The following BAZ2B variants were observed in gnomAD, a reference collection of about 807,000 sequenced individuals.
BAZ2B encodes bromodomain adjacent to zinc finger domain 2B.
BAZ2B carries 91 observed loss-of-function variants against 246.0 expected under a neutral mutation model. The observed-to-expected ratio is 0.37, with a 90% CI of 0.31 to 0.44. The LOEUF is 0.44. Ranked by LOEUF, BAZ2B falls within the 20% of genes least tolerant of loss-of-function variation. The pLI is 1.00. For synonymous variants in BAZ2B, 855 were observed against 860.0 expected (o/e 0.99, Z 0.10); for missense variants, 2,332 against 2,533.7 (o/e 0.92, Z 1.71).
chr2:159,515,260 C>A (rs1270357057), intron 2 of BAZ2B, among the ~76,000 whole-genome samples: 1 of 151,984 alleles, frequency 6.6e-6, no homozygotes, highest in Admixed American at 6.6e-5. Flanking sequence ...AACAATTTTA[C>A]TTCCAGAAAT....
the BAZ2B span, among the ~76,000 whole-genome samples, chr2:159,663,025 T>C: frequency 6.6e-6 from 1 of 152,104 alleles, no homozygotes; most frequent in South Asian, 2.1e-4. Flanking sequence ...TTTTATTGAA[T>C]TGTAAGTGGT....
In BAZ2B at chr2:159,350,297, T is replaced by A; in HGVS notation, c.4274A>T (p.Lys1425Ile). Reference protein sequence around the residue: ...KLKKAESVQIKEEMFETSGDS... With the variant: ...KLKKAESVQIIEEMFETSGDS... ...CCCAGAAGTCTCAAACATTTCTTCTTTGATCTGGACACTTTCTGCCTTTTT... is the reference window on the plus strand; with the variant it reads ...CCCAGAAGTCTCAAACATTTCTTCTATGATCTGGACACTTTCTGCCTTTTT... The change falls in exon 28 of 37, where the codon AAA becomes ATA. Residue 1425 changes from lysine (K) to isoleucine (I), a missense_variant. By Grantham distance (102) the Lys-to-Ile change is moderately radical (BLOSUM62 -3). Transcript: ENST00000392783. The A allele has an allele frequency of 6.2e-7, 1 of 1,605,672 alleles. No homozygotes were observed. The highest frequency in any genetic ancestry group is 8.5e-7 in the Non-Finnish European group (1 of 1,176,016).
intron 25 of BAZ2B, among the ~76,000 whole-genome samples, chr2:159,378,805 G>A (rs545780655): frequency 6.6e-6 from 1 of 152,280 alleles, no homozygotes; most frequent in African/African-American, 2.4e-5. Context: ...GAAAGAGACA[G>A]ACAGGAGTGT....
chr2:159,366,674 C>T (rs1199419968), intron 27 of BAZ2B, among the ~76,000 whole-genome samples: 2 of 152,188 alleles, frequency 1.3e-5, no homozygotes, highest in Non-Finnish European at 2.9e-5. Context: ...ATTAGTATTG[C>T]TTCCTTGACA....
chr2:159,492,419 C>G (rs537624965), intron 2 of BAZ2B, among the ~76,000 whole-genome samples: 1 of 152,188 alleles, frequency 6.6e-6, no homozygotes, highest in South Asian at 2.1e-4. Flanking sequence ...CTGTCTCTTT[C>G]ACTGCACTTA....
intron 1 of BAZ2B, among the ~76,000 whole-genome samples, chr2:159,587,323 G>A (rs576333144): frequency 3.9e-5 from 6 of 152,006 alleles, no homozygotes; most frequent in African/African-American, 9.6e-5. Flanking sequence ...CTCGTGATCC[G>A]CCCACCTCAG....
chr2:159,679,232 G>C, the BAZ2B span, among the ~76,000 whole-genome samples: 1 of 133,678 alleles, frequency 7.5e-6, no homozygotes. Context: ...AGATTGCTCC[G>C]CTGCACTCCA....
intron 14 of BAZ2B, among the ~76,000 whole-genome samples, chr2:159,410,505 C>T (rs1036417770): frequency 2.6e-5 from 4 of 152,164 alleles, no homozygotes; most frequent in Non-Finnish European, 4.4e-5. Context: ...TCTCTCTCTT[C>T]TGGGTGCCTT....
chr2:159,424,371 T>A (rs1210421691), intron 13 of BAZ2B, among the ~76,000 whole-genome samples: 1 of 152,122 alleles, frequency 6.6e-6, no homozygotes, highest in Non-Finnish European at 1.5e-5. Context: ...AATGGCCTTT[T>A]ATGTAAATTA....
intron 14 of BAZ2B, among the ~76,000 whole-genome samples, chr2:159,411,325 A>G: frequency 6.6e-6 from 1 of 152,186 alleles, no homozygotes; most frequent in Non-Finnish European, 1.5e-5. Flanking sequence ...ATTCTATTCT[A>G]TGAGTTTTGT....
At chr2:159,582,219 T>A (rs1559831923) in intron 1 of BAZ2B, among the ~76,000 whole-genome samples, 1 of 152,242 alleles carries the variant, frequency 6.6e-6, no homozygotes. Flanking sequence ...TATATATTCA[T>A]GTGCATATTA....
intron 27 of BAZ2B, among the ~76,000 whole-genome samples, chr2:159,353,747 T>C (rs187546040): frequency 5.8e-4 from 89 of 152,296 alleles, no homozygotes; most frequent in Admixed American, 2.5e-3. Flanking sequence ...TCAAGATTCA[T>C]AGGCATTGGG....
chr2:159,621,810 T>A, the BAZ2B span, among the ~76,000 whole-genome samples: 1 of 149,120 alleles, frequency 6.7e-6, no homozygotes. Context: ...CAAAAAAAAT[T>A]AAAATTAGCT....
intron 2 of BAZ2B, among the ~76,000 whole-genome samples, chr2:159,551,201 G>A (rs1044299702): frequency 6.6e-6 from 1 of 152,144 alleles, no homozygotes; most frequent in African/African-American, 2.4e-5. Flanking sequence ...CGGGCACGGT[G>A]GCTCACGCCT....
At chr2:159,435,073 T>G (rs1427439432) in intron 8 of BAZ2B, 1 of 151,984 alleles carries the variant, frequency 6.6e-6, no homozygotes, top group Non-Finnish European at 1.5e-5. Flanking sequence ...GCCTTGAAAT[T>G]AAAATCAGTA....
At chr2:159,530,157 C>T (rs563450586) in intron 2 of BAZ2B, among the ~76,000 whole-genome samples, 10 of 152,274 alleles carry the variant, frequency 6.6e-5, no homozygotes, top group Non-Finnish European at 1.2e-4. Context: ...AAAGGACTAC[C>T]TATAATATTG....
At chr2:159,336,850 A>G (rs1193388730) in intron 33 of BAZ2B, 92 bp downstream of exon 33, 18 of 1,123,574 alleles carry the variant, frequency 1.6e-5, no homozygotes. Context: ...TTATTATGAC[A>G]ATAGGTAATG....
At chr2:159,595,532 C>A (rs1325169170) in intron 1 of BAZ2B, among the ~76,000 whole-genome samples, 2 of 152,190 alleles carry the variant, frequency 1.3e-5, no homozygotes, top group Non-Finnish European at 2.9e-5. Flanking sequence ...ATGAATTCTA[C>A]TAGTCTGCTA....
chr2:159,377,799 G>A lies in BAZ2B; in HGVS notation c.4006-3046C>T, dbSNP rs554248853. Among the ~76,000 whole-genome samples the A allele has an allele frequency of 4.1e-4, 48 of 116,098 alleles. 2 individuals carry two copies. In the South Asian group the frequency reaches 0.014, roughly 34 times the overall value. The allele number at this position is 116,098 out of a possible 152,430, so 76.2% of individuals were successfully genotyped here. ...TGCACTCCAGCCTGGGTGACAGAGCGAGACTCTGTCTCCAAAAAAAAAAAA... is the reference window on the plus strand; with the variant it reads ...TGCACTCCAGCCTGGGTGACAGAGCAAGACTCTGTCTCCAAAAAAAAAAAA... On this transcript the variant is annotated intron_variant, in intron 25 of 36. Transcript: ENST00000392783.
Sources: allele counts gnomAD v4.1 joint callset (sites outside exome capture counted in the v4.1 genomes callset), GRCh38; gene constraint gnomAD v4.1.1; transcripts MANE v1.5; gene names NCBI Gene and HGNC (gene_info 2026-07-23, HGNC 2026-07-21).